NKAIN2: variants seen among roughly 807,000 people sequenced by gnomAD.
NKAIN2 encodes sodium/potassium-transporting ATPase subunit beta-1-interacting protein 2.
Under a neutral mutation model 32.6 loss-of-function variants are expected in NKAIN2, and 14 were observed. That is an observed-to-expected ratio of 0.43 (90% CI 0.28 to 0.67). The LOEUF is 0.67. Ranked by LOEUF, NKAIN2 falls within the 30% of genes least tolerant of loss-of-function variation. The probability of loss-of-function intolerance (pLI) is 0.17; values close to 1 mark genes in which losing one functional copy is unlikely to be tolerated. For missense variants in NKAIN2, 198 were observed against 258.3 expected (o/e 0.77, Z 1.60); for synonymous variants, 80 against 87.2 (o/e 0.92, Z 0.46).
chr6:124,075,020 A>G (rs1291995645), intron 1 of NKAIN2, among the ~76,000 whole-genome samples: 1 of 152,174 alleles, frequency 6.6e-6, no homozygotes, highest in Non-Finnish European at 1.5e-5. Flanking sequence ...CGTACTTACT[A>G]GTTTTGACAA....
At chr6:124,253,397 A>G (rs1410035665) in intron 1 of NKAIN2, among the ~76,000 whole-genome samples, 1 of 152,196 alleles carries the variant, frequency 6.6e-6, no homozygotes, top group Non-Finnish European at 1.5e-5. Context: ...ACAGGAAATC[A>G]TGTCTTTTGC....
At chr6:124,769,160 T>C (rs1057005884) in intron 4 of NKAIN2, among the ~76,000 whole-genome samples, 4 of 152,176 alleles carry the variant, frequency 2.6e-5, no homozygotes, top group African/African-American at 9.6e-5. Flanking sequence ...GTGGTTTTGT[T>C]AGATCTACAG....
At chr6:124,122,180 C>T (rs1785916347) in intron 1 of NKAIN2, among the ~76,000 whole-genome samples, 1 of 151,938 alleles carries the variant, frequency 6.6e-6, no homozygotes, top group South Asian at 2.1e-4. Context: ...CCCATAATAG[C>T]CCATTTACCT....
At chr6:124,459,006 T>C (rs1280686276) in intron 3 of NKAIN2, among the ~76,000 whole-genome samples, 2 of 151,826 alleles carry the variant, frequency 1.3e-5, no homozygotes, top group African/African-American at 4.8e-5. Context: ...ACAAATTCTG[T>C]CTGCAATTTA....
intron 4 of NKAIN2, among the ~76,000 whole-genome samples, chr6:124,659,350 CAAT>C (rs1325108121): frequency 6.6e-6 from 1 of 151,012 alleles, no homozygotes; most frequent in Non-Finnish European, 1.5e-5. Context: ...TCTTGGATAA[CAAT>C]AAATAATAGT....
chr6:124,780,661 G>A (rs1779221475), intron 4 of NKAIN2, among the ~76,000 whole-genome samples: 1 of 152,098 alleles, frequency 6.6e-6, no homozygotes, highest in African/African-American at 2.4e-5. Context: ...TTTACCTTGT[G>A]AGCAAAAAGA....
chr6:123,836,034 CTA>C (rs1774605256), intron 1 of NKAIN2, among the ~76,000 whole-genome samples: 1 of 151,966 alleles, frequency 6.6e-6, no homozygotes, highest in African/African-American at 2.4e-5. Flanking sequence ...AATAAAAATA[CTA>C]TGATACAAAA....
At chr6:124,730,547 AC>A (rs1391796748) in intron 4 of NKAIN2, among the ~76,000 whole-genome samples, 1 of 135,518 alleles carries the variant, frequency 7.4e-6, no homozygotes, top group African/African-American at 2.8e-5. Flanking sequence ...TACACCTTAT[AC>A]AAAAATCAAT....
chr6:124,608,358 G>C (rs2114992855), intron 3 of NKAIN2, among the ~76,000 whole-genome samples: 1 of 152,250 alleles, frequency 6.6e-6, no homozygotes, highest in South Asian at 2.1e-4. Flanking sequence ...AAATTGAACT[G>C]AATTGTCTTC....
intron 1 of NKAIN2, among the ~76,000 whole-genome samples, chr6:124,154,111 G>T (rs562452042): frequency 4.6e-4 from 70 of 151,706 alleles, no homozygotes; most frequent in African/African-American, 1.6e-3. Flanking sequence ...TATTGACACG[G>T]TGAATTATAT....
chr6:124,097,926 C>A (rs1446664922), intron 1 of NKAIN2, among the ~76,000 whole-genome samples: 3 of 152,098 alleles, frequency 2.0e-5, no homozygotes, highest in East Asian at 3.9e-4. Flanking sequence ...AACCTGATAT[C>A]TTGGATATTA....
intron 3 of NKAIN2, among the ~76,000 whole-genome samples, chr6:124,486,237 C>T (rs1204987016): frequency 6.6e-6 from 1 of 152,128 alleles, no homozygotes; most frequent in Non-Finnish European, 1.5e-5. Flanking sequence ...GTCTCCTCAA[C>T]AACAGAATGT....
At chr6:124,075,750 C>T (rs1783668754) in intron 1 of NKAIN2, among the ~76,000 whole-genome samples, 1 of 152,094 alleles carries the variant, frequency 6.6e-6, no homozygotes, top group African/African-American at 2.4e-5. Context: ...CACCCACCAC[C>T]ATGTCCGGCT....
chr6:124,122,623 T>C (rs1785936139), intron 1 of NKAIN2, among the ~76,000 whole-genome samples: 1 of 152,112 alleles, frequency 6.6e-6, no homozygotes, highest in Non-Finnish European at 1.5e-5. Flanking sequence ...TTGTACAAAT[T>C]CCAATGGATA....
intron 1 of NKAIN2, among the ~76,000 whole-genome samples, chr6:124,189,630 G>A (rs1243655809): frequency 6.6e-6 from 1 of 152,136 alleles, no homozygotes; most frequent in East Asian, 1.9e-4. Flanking sequence ...GAAGTGAGCC[G>A]AGATTGTGCC....
chr6:124,110,821 T>C (rs1222320603), intron 1 of NKAIN2, among the ~76,000 whole-genome samples: 1 of 152,154 alleles, frequency 6.6e-6, no homozygotes, highest in East Asian at 1.9e-4. Flanking sequence ...ATTGAGTCCG[T>C]GTCTTTGCTA....
At chr6:124,278,887 A>C (rs1307746755) in intron 1 of NKAIN2, among the ~76,000 whole-genome samples, 4 of 151,818 alleles carry the variant, frequency 2.6e-5, no homozygotes, top group Admixed American at 2.6e-4. Flanking sequence ...AAAACTGGAA[A>C]TGAATTAAAG....
chr6:124,114,867 T>C (rs1019958807), intron 1 of NKAIN2, among the ~76,000 whole-genome samples: 5 of 152,120 alleles, frequency 3.3e-5, no homozygotes, highest in African/African-American at 1.2e-4. Flanking sequence ...TATTCAGTTC[T>C]AGTTATTAGT....
intron 3 of NKAIN2, among the ~76,000 whole-genome samples, chr6:124,511,234 A>C (rs1449650078): frequency 1.3e-5 from 2 of 152,186 alleles, no homozygotes; most frequent in African/African-American, 4.8e-5. Flanking sequence ...ATTTTAGTTC[A>C]GAGATTATAA....
Sources: allele counts gnomAD v4.1 joint callset (sites outside exome capture counted in the v4.1 genomes callset), GRCh38; gene constraint gnomAD v4.1.1; transcripts MANE v1.5; gene names NCBI Gene and HGNC (gene_info 2026-07-23, HGNC 2026-07-21).